RYR3: variants seen among roughly 807,000 people sequenced by gnomAD.
RYR3 encodes the protein ryanodine receptor 3, also known as brain ryanodine receptor-calcium release channel.
In RYR3, 207 loss-of-function variants were observed where a neutral mutation model predicts 584.3. That is an observed-to-expected ratio of 0.35 (90% confidence interval 0.32 to 0.40). The LOEUF (loss-of-function observed/expected upper bound fraction) is 0.40. Ranked by LOEUF, RYR3 falls within the 10% of genes least tolerant of loss-of-function variation. The pLI, the probability that RYR3 is intolerant of heterozygous loss-of-function variation, is 1.00. For synonymous variants in RYR3, 2,416 were observed against 2,248.5 expected (o/e 1.07, Z -2.11); for missense variants, 5,616 against 6,089.2 (o/e 0.92, Z 2.59).
intron 64 of RYR3, among the ~76,000 whole-genome samples, chr15:33,773,990 G>A (rs1309275511): frequency 6.6e-6 from 1 of 152,228 alleles, no homozygotes; most frequent in African/African-American, 2.4e-5. Context: ...GGGACATGAG[G>A]CAGTTGCTTT....
intron 60 of RYR3, among the ~76,000 whole-genome samples, chr15:33,758,540 G>C (rs1254925897): frequency 6.6e-6 from 1 of 152,152 alleles, no homozygotes; most frequent in African/African-American, 2.4e-5. Context: ...GTTCGAACTG[G>C]GTGTGGAACG....
At chr15:33,793,462 G>A (rs572994965) in intron 67 of RYR3, among the ~76,000 whole-genome samples, 1 of 152,216 alleles carries the variant, frequency 6.6e-6, no homozygotes, top group South Asian at 2.1e-4. Context: ...CCATCCTGAA[G>A]CTACCTAGCC....
At chr15:33,591,925 C>T (rs2059149252) in intron 16 of RYR3, among the ~76,000 whole-genome samples, 1 of 152,158 alleles carries the variant, frequency 6.6e-6, no homozygotes, top group African/African-American at 2.4e-5. Context: ...CAGATGAAAG[C>T]TGTGACAAAA....
chr15:33,329,903 G>A (rs1328883878), intron 1 of RYR3, among the ~76,000 whole-genome samples: 2 of 152,138 alleles, frequency 1.3e-5, no homozygotes, highest in Admixed American at 1.3e-4. Context: ...TCAAAATACA[G>A]GAAATGGAGG....
rs561703234 is a variant in RYR3, at chr15:33,553,783, G to A, written c.972+3467G>A. 5.9e-5 allele frequency among the ~76,000 whole-genome samples: 9 copies of A among 152,188 alleles called. No individual in the cohort carries two copies. In the South Asian group the frequency reaches 1.9e-3, roughly 32 times the overall value. On this transcript the variant is annotated intron_variant, in intron 10 of 103. Transcript: ENST00000634891. ...CTGGCTTCAAAGTTAGCCTAGATCG[G>A]GCCTTGATTCTCATCTGCTCTCTGT...
chr15:33,848,256 C>G, intron 93 of RYR3, 35 bp from the exon 94 acceptor site: 1 of 1,611,982 alleles, frequency 6.2e-7, no homozygotes, highest in South Asian at 1.1e-5. Flanking sequence ...AATCACAAAG[C>G]CTGCTCTGAG....
chr15:33,734,981 G>A (rs981044811), intron 48 of RYR3, among the ~76,000 whole-genome samples: 14 of 151,502 alleles, frequency 9.2e-5, no homozygotes, highest in East Asian at 2.0e-4. Flanking sequence ...GTGAGCCACC[G>A]CGCCTGGCCG....
At chr15:33,749,465 C>T (rs1448922827) in intron 55 of RYR3, among the ~76,000 whole-genome samples, 1 of 152,178 alleles carries the variant, frequency 6.6e-6, no homozygotes, top group Non-Finnish European at 1.5e-5. Flanking sequence ...AGTTTCTTTC[C>T]AAAGTACATC....
chr15:33,731,058 G>A (rs1459654686), intron 47 of RYR3, among the ~76,000 whole-genome samples: 1 of 152,160 alleles, frequency 6.6e-6, no homozygotes, highest in African/African-American at 2.4e-5. Flanking sequence ...TGAGTCCCTG[G>A]TAGGTGAGAA....
intron 1 of RYR3, among the ~76,000 whole-genome samples, chr15:33,385,745 C>T (rs182228856): frequency 7.5e-6 from 1 of 133,744 alleles, no homozygotes; most frequent in Admixed American, 8.7e-5. Flanking sequence ...ACTCTGTAGC[C>T]CAGGCTGGAG....
Position 33,837,989 on chromosome 15 carries a change from A to C in RYR3, c.12009A>C (p.Glu4003Asp), listed in dbSNP as rs1266177856. The change falls in exon 89 of 104, where the codon GAA becomes GAC. Residue 4003 changes from glutamate (E) to aspartate (D), a missense_variant. By Grantham distance (45) the Glu-to-Asp change is conservative. Around this residue, in one of 9 missense-constraint regions of RYR3, gnomAD observed 258 missense variants for 297.3 expected, o/e 0.87. Coordinates refer to ENST00000634891, the MANE Select transcript of RYR3 (RefSeq NM_001036.6). ...NVAVLLTNLS[E>D]HMPNDSRLKC... ...CTGTGTTATTGACAAATCTTTCTGA[A>C]CACATGCCAAACGATTCCCGCCTGA... 1.9e-6 allele frequency: 3 copies of C among 1,613,898 alleles called. No homozygotes were observed. Among genetic ancestry groups the C allele is most frequent in the Non-Finnish European group, 8.5e-7 (1 of 1,179,910 alleles).
chr15:33,545,440 C>CA (rs1394816928), intron 8 of RYR3, among the ~76,000 whole-genome samples: 1 of 152,024 alleles, frequency 6.6e-6, no homozygotes, highest in Non-Finnish European at 1.5e-5. Flanking sequence ...TTTAAATAAA[C>CA]ATGAAGGTGA....
chr15:33,505,888 C>T (rs993619167), intron 3 of RYR3, among the ~76,000 whole-genome samples: 2 of 152,092 alleles, frequency 1.3e-5, no homozygotes, highest in Non-Finnish European at 1.5e-5. Flanking sequence ...TAAATATCAC[C>T]ACTTTCAGTA....
At chr15:33,803,484 A>C (rs1381248758) in intron 69 of RYR3, among the ~76,000 whole-genome samples, 1 of 152,128 alleles carries the variant, frequency 6.6e-6, no homozygotes, top group Non-Finnish European at 1.5e-5. Flanking sequence ...ACCTGCAGAA[A>C]GTCAATAAAT....
At chr15:33,500,628 C>G (rs188899529) in intron 2 of RYR3, among the ~76,000 whole-genome samples, 3 of 152,168 alleles carry the variant, frequency 2.0e-5, no homozygotes, top group African/African-American at 7.2e-5. Flanking sequence ...CAGATGTCAA[C>G]AGAGCCCTTC....
Position 33,864,135 on chromosome 15 carries a change from C to A in RYR3, c.14466-3C>A. The A allele has an allele frequency of 6.2e-7, 1 of 1,609,776 alleles. No homozygotes were observed. The highest frequency in any genetic ancestry group is 8.5e-7 in the Non-Finnish European group (1 of 1,177,090). Reference sequence around the variant, plus strand: ...ATCTAATACTATCTTTTCCTCGTTCCAGGTTCTTTCTGATGTATTTGATTA... The same window carrying A: ...ATCTAATACTATCTTTTCCTCGTTCAAGGTTCTTTCTGATGTATTTGATTA... On this transcript the variant is annotated splice_region_variant and splice_polypyrimidine_tract_variant and intron_variant, in intron 102 of 103. Coordinates refer to ENST00000634891, the MANE Select transcript of RYR3 (RefSeq NM_001036.6).
rs914152963 is a variant in RYR3 at position 33,748,045 on chromosome 15, TG to T, written c.7990-68del. 1.5e-5 allele frequency: 23 copies of T among 1,487,412 alleles called. No individual in the cohort carries two copies. The African/African-American group carries it at 3.2e-4, about 21-fold the overall frequency. The allele number at this position is 1,487,412 out of a possible 1,614,324, so 92.1% of individuals were successfully genotyped here. On this transcript the variant is annotated intron_variant, in intron 53 of 103. Transcript: ENST00000634891. ...CACCCACAGTGGGATGCACCTTCCA[TG>T]CGGAGATGGGCCAGGGAGAATGCTG...
chr15:33,758,991 C>T (rs1016231258), intron 60 of RYR3, among the ~76,000 whole-genome samples: 1 of 152,174 alleles, frequency 6.6e-6, no homozygotes, highest in African/African-American at 2.4e-5. Flanking sequence ...GCTGGTGATA[C>T]CCAGGCAAAC....
intron 3 of RYR3, among the ~76,000 whole-genome samples, chr15:33,520,363 G>C (rs1050598463): frequency 3.3e-5 from 5 of 152,168 alleles, no homozygotes; most frequent in Admixed American, 6.5e-5. Flanking sequence ...TACTCATTAT[G>C]CTACATTTGG....
Sources: gnomAD v4.1 joint callset for allele counts (sites outside exome capture counted in the v4.1 genomes callset) on GRCh38, gnomAD v4.1.1 for gene constraint, gnomAD v4.1.1 regional missense constraint, MANE v1.5 for transcripts, NCBI Gene and HGNC (gene_info 2026-07-23, HGNC 2026-07-21) for gene names.